The following ADAMTS14 variants were observed in gnomAD, a reference collection of about 807,000 sequenced individuals.
ADAMTS14 encodes the protein ADAM metallopeptidase with thrombospondin type 1 motif 14, also known as A disintegrin and metalloproteinase with thrombospondin motifs 14.
In ADAMTS14, 100 loss-of-function variants were observed where a neutral mutation model predicts 128.6. The observed-to-expected ratio is 0.78, with a 90% CI of 0.66 to 0.92. ADAMTS14 has a LOEUF of 0.92. Ranked by LOEUF, ADAMTS14 falls within the 40% of genes least tolerant of loss-of-function variation. The pLI is 0.00. For missense variants in ADAMTS14, 1,562 were observed against 1,658.6 expected (o/e 0.94, Z 1.01); for synonymous variants, 665 against 653.8 (o/e 1.02, Z -0.26).
At chr10:70,723,113 C>A (rs1297726161) in intron 4 of ADAMTS14, among the ~76,000 whole-genome samples, 1 of 152,154 alleles carries the variant, frequency 6.6e-6, no homozygotes, top group Non-Finnish European at 1.5e-5. Context: ...AGCACCTTAC[C>A]CCTGTGGGCT....
chr10:70,756,026 G>A (rs1289497445), intron 19 of ADAMTS14, among the ~76,000 whole-genome samples: 2 of 152,130 alleles, frequency 1.3e-5, no homozygotes, highest in African/African-American at 2.4e-5. Flanking sequence ...ATATAATACA[G>A]TACTATACAA....
intron 4 of ADAMTS14, among the ~76,000 whole-genome samples, chr10:70,710,673 C>T (rs1006639694): frequency 2.6e-5 from 4 of 152,194 alleles, no homozygotes; most frequent in South Asian, 2.1e-4. Flanking sequence ...GGGCGAGTTA[C>T]GAACCCTCTG....
chr10:70,760,518 C>G lies in ADAMTS14; in HGVS notation c.3337C>G (p.Pro1113Ala). The G allele has an allele frequency of 1.2e-6, 2 of 1,613,794 alleles. No homozygotes were observed. Among genetic ancestry groups the G allele is most frequent in the Non-Finnish European group, 1.7e-6 (2 of 1,179,904 alleles). Residue 1113 changes from proline to alanine, a missense_variant, in exon 22 of 22, where the codon CCC (proline) becomes GCC (alanine). Transcript: ENST00000373207. ...GPDPGPTSLPPFSTPGSPLPG... is the reference protein window; with the variant it reads ...GPDPGPTSLPAFSTPGSPLPG... The stretch of plus-strand genomic sequence containing the variant: ...AGACCCTGGCCCAACCTCACTGCCC[C>G]CCTTCTCCACTCCTGGAAGCCCCTT...
intron 3 of ADAMTS14, among the ~76,000 whole-genome samples, chr10:70,706,996 C>T (rs1387988120): frequency 6.6e-6 from 1 of 152,212 alleles, no homozygotes; most frequent in Non-Finnish European, 1.5e-5. Flanking sequence ...AGGGGCAGGG[C>T]CCTCTGCCCC....
At chr10:70,709,423 A>AT (rs1554817589) in intron 4 of ADAMTS14, among the ~76,000 whole-genome samples, 1 of 134,852 alleles carries the variant, frequency 7.4e-6, no homozygotes, top group Non-Finnish European at 1.6e-5. Flanking sequence ...TCAGAAATGT[A>AT]GTTTTTTTTT....
chr10:70,759,735 T>TG (rs1237476760), intron 21 of ADAMTS14, among the ~76,000 whole-genome samples: 3 of 152,210 alleles, frequency 2.0e-5, no homozygotes, highest in Non-Finnish European at 4.4e-5. Flanking sequence ...TCAGTCTGCC[T>TG]GTCCCAAGCA....
At chr10:70,730,343 GC>G (rs1177171115) in intron 6 of ADAMTS14, 94 bp downstream of exon 6, 1 of 1,483,896 alleles carries the variant, frequency 6.7e-7, no homozygotes, top group Non-Finnish European at 9.0e-7. Context: ...CTCTTCTGGG[GC>G]CCACCACATG....
intron 4 of ADAMTS14, among the ~76,000 whole-genome samples, chr10:70,723,484 G>T (rs1345630944): frequency 6.6e-6 from 1 of 152,240 alleles, no homozygotes; most frequent in Non-Finnish European, 1.5e-5. Context: ...GGTATGGGGA[G>T]TTTCTGTAAT....
intron 2 of ADAMTS14, among the ~76,000 whole-genome samples, chr10:70,681,905 T>C (rs1320045351): frequency 6.6e-6 from 1 of 152,218 alleles, no homozygotes; most frequent in East Asian, 1.9e-4. Context: ...GGTGCAGACC[T>C]TGCTGCCTTG....
rs1780421885 is a variant in ADAMTS14, at chr10:70,762,297, G to C, written c.*1444G>C. On this transcript the variant is annotated 3_prime_UTR_variant, in exon 22 of 22. Coordinates refer to ENST00000373207, the MANE Select transcript of ADAMTS14 (RefSeq NM_080722.4). ...CTGGGGGGCTCCCCGCCCTCCCCCT[G>C]TTGCCCTCCCCTCCCTGGGATGCTG... 6.7e-6 allele frequency: 1 copy of C among 148,736 alleles called. No homozygotes were observed. The highest frequency in any genetic ancestry group is 1.5e-5 in the Non-Finnish European group (1 of 65,776). The allele number at this position is 148,736 out of a possible 1,614,324, so 9.2% of individuals were successfully genotyped here. A position where few individuals can be genotyped will look rare whatever the true frequency, so the allele number is the denominator to read the frequency against.
chr10:70,700,620 T>G (rs114001441), intron 2 of ADAMTS14, among the ~76,000 whole-genome samples: 128 of 152,240 alleles, frequency 8.4e-4, no homozygotes, highest in African/African-American at 3.0e-3. Flanking sequence ...TGCCTAGGTG[T>G]GTCCTGGGGC....
chr10:70,725,691 C>A (rs533015441), intron 4 of ADAMTS14, among the ~76,000 whole-genome samples: 1 of 152,138 alleles, frequency 6.6e-6, no homozygotes, highest in Non-Finnish European at 1.5e-5. Context: ...TAATACCATT[C>A]CCTTGGGAGT....
chr10:70,727,486 A>T (rs1319544749), intron 4 of ADAMTS14, among the ~76,000 whole-genome samples: 4 of 152,252 alleles, frequency 2.6e-5, no homozygotes, highest in Non-Finnish European at 4.4e-5. Context: ...CCATGTGGGC[A>T]GGAGGCAGAG....
In ADAMTS14 at chr10:70,674,990, G is replaced by C; in HGVS notation, c.517G>C (p.Gly173Arg). 1.2e-6 allele frequency: 2 copies of C among 1,611,672 alleles called. No homozygotes were observed. Among genetic ancestry groups the C allele is most frequent in the Non-Finnish European group, 1.7e-6 (2 of 1,179,854 alleles). ...AGCTGTTGCCATCAGCAACTGTGAC[G>C]GATTGGTAAGGGATGAGACTTTCAT... ...GAAVAISNCD[G>R]LAGLIRTDST... The change falls in exon 2 of 22, where the codon GGA (glycine) becomes CGA (arginine). Residue 173 changes from glycine to arginine, a missense_variant. Gly to Arg is a moderately radical substitution (Grantham distance 125). Coordinates refer to ENST00000373207, the MANE Select transcript of ADAMTS14 (RefSeq NM_080722.4).
At chr10:70,738,440 A>G (rs1277696856) in intron 10 of ADAMTS14, among the ~76,000 whole-genome samples, 1 of 151,856 alleles carries the variant, frequency 6.6e-6, no homozygotes, top group Non-Finnish European at 1.5e-5. Context: ...AGCACATCTC[A>G]TGATCCCTGG....
intron 7 of ADAMTS14, 130 bp downstream of exon 7, chr10:70,732,489 C>CA: frequency 2.6e-6 from 2 of 761,142 alleles, no homozygotes; most frequent in Non-Finnish European, 4.2e-6. Context: ...AGGAGCTGGA[C>CA]TGCCACTGCG....
intron 6 of ADAMTS14, among the ~76,000 whole-genome samples, chr10:70,731,079 C>A (rs968616999): frequency 3.2e-4 from 48 of 148,868 alleles, no homozygotes; most frequent in Middle Eastern, 6.9e-3. Context: ...CACACACACA[C>A]ACACACACAC....
intron 4 of ADAMTS14, among the ~76,000 whole-genome samples, chr10:70,710,720 G>GT (rs1166046672): frequency 6.6e-6 from 1 of 152,216 alleles, no homozygotes; most frequent in Non-Finnish European, 1.5e-5. Flanking sequence ...AGCATTAACA[G>GT]TACTTACTAC....
chr10:70,753,376 G>A (rs920959737), intron 18 of ADAMTS14, among the ~76,000 whole-genome samples: 41 of 152,180 alleles, frequency 2.7e-4, no homozygotes, highest in African/African-American at 9.9e-4. Flanking sequence ...TGGGAAATTG[G>A]GGGATCTGCC....
Sources: allele counts gnomAD v4.1 joint callset (sites outside exome capture counted in the v4.1 genomes callset), GRCh38; gene constraint gnomAD v4.1.1; transcripts MANE v1.5; gene names NCBI Gene and HGNC (gene_info 2026-07-23, HGNC 2026-07-21).